ANKRD11: variants seen among roughly 807,000 people sequenced by gnomAD.
ANKRD11 encodes ankyrin repeat domain 11.
ANKRD11 carries 17 observed loss-of-function variants against 195.7 expected under a neutral mutation model. The ratio of observed to expected loss-of-function variants is 0.09; its 90% CI spans 0.06 to 0.13. ANKRD11 has a LOEUF of 0.13. Among genes scored for constraint, ANKRD11 ranks in the 10% least tolerant of loss-of-function variants. The probability of loss-of-function intolerance (pLI) is 1.00; values close to 1 mark genes in which losing one functional copy is unlikely to be tolerated. For missense variants in ANKRD11, 3,735 were observed against 3,566.1 expected (o/e 1.05, Z -1.21); for synonymous variants, 1,953 against 1,528.1 (o/e 1.28, Z -6.49).
intron 2 of ANKRD11, among the ~76,000 whole-genome samples, chr16:89,327,597 G>C (rs1008635705): frequency 6.6e-6 from 1 of 152,056 alleles, no homozygotes; most frequent in Non-Finnish European, 1.5e-5. Context: ...AAGAAATAAA[G>C]ACAGTACCAT....
At chr16:89,474,735 C>T (rs1407315762) in intron 1 of ANKRD11, among the ~76,000 whole-genome samples, 1 of 152,172 alleles carries the variant, frequency 6.6e-6, no homozygotes, top group Non-Finnish European at 1.5e-5. Context: ...TCAATTATTT[C>T]ATACTCAATC....
At chr16:89,337,399 G>A (rs2038419185) in intron 2 of ANKRD11, among the ~76,000 whole-genome samples, 1 of 130,660 alleles carries the variant, frequency 7.7e-6, no homozygotes, top group African/African-American at 2.9e-5. Flanking sequence ...TAACCCTACT[G>A]CACAATACAT....
intron 2 of ANKRD11, among the ~76,000 whole-genome samples, chr16:89,326,407 C>G (rs1480843548): frequency 1.3e-5 from 2 of 151,328 alleles, no homozygotes; most frequent in Non-Finnish European, 2.9e-5. Flanking sequence ...AGAAGGTGCA[C>G]ACCACTCAGC....
intron 3 of ANKRD11, among the ~76,000 whole-genome samples, chr16:89,309,112 C>T (rs1387987952): frequency 1.3e-5 from 2 of 152,178 alleles, no homozygotes; most frequent in African/African-American, 2.4e-5. Flanking sequence ...TGTGACGCCA[C>T]CACACGCCCA....
At position 89,286,124 on chromosome 16, in the gene ANKRD11, C is replaced by G. The variant is rs149525788; in HGVS notation, c.807G>C (p.Thr269=). 8 of 1,614,084 alleles carry G rather than the reference C, an allele frequency of 5.0e-6. No individual in the cohort carries two copies. The African/African-American group carries it at 1.1e-4, about 22-fold the overall frequency. Residue 269 remains threonine (T), a synonymous_variant, in exon 8 of 13, where the codon ACG becomes ACC. Transcript: ENST00000301030. ...TGGGGGAGTTGGCCACTTTCAGCGG[C>G]GTCTCGCCTTTCCTGTTGCTCTGCT... ...NPQQSNRKGE[T]PLKVANSPTM...
intron 1 of ANKRD11, among the ~76,000 whole-genome samples, chr16:89,426,634 A>T (rs2152256754): frequency 6.6e-6 from 1 of 152,256 alleles, no homozygotes; most frequent in African/African-American, 2.4e-5. Context: ...AGGCGCATAT[A>T]GATGACCAAT....
chr16:89,471,773 ACT>A (rs1363711151), intron 1 of ANKRD11, among the ~76,000 whole-genome samples: 28 of 119,774 alleles, frequency 2.3e-4, no homozygotes, highest in African/African-American at 9.7e-4. Flanking sequence ...CGACAGTGAG[ACT>A]CTGTCTCAAA....
chr16:89,425,805 C>T (rs1411701959), intron 1 of ANKRD11, among the ~76,000 whole-genome samples: 1 of 152,174 alleles, frequency 6.6e-6, no homozygotes, highest in Non-Finnish European at 1.5e-5. Context: ...AACTTCAGAA[C>T]TGAGGTGAGC....
chr16:89,270,695 C>G, intron 12 of ANKRD11, 122 bp downstream of exon 12: 3 of 940,998 alleles, frequency 3.2e-6, no homozygotes, highest in Non-Finnish European at 3.4e-6. Context: ...AAATTGTCAC[C>G]GCCCATCACA....
At chr16:89,392,598 G>C (rs930427891) in intron 2 of ANKRD11, 1 of 151,776 alleles carries the variant, frequency 6.6e-6, no homozygotes, top group African/African-American at 2.4e-5. Flanking sequence ...TGTTGAAGCA[G>C]ACCTGTCTTG....
rs187977191 is a variant in ANKRD11 at position 89,269,486 on chromosome 16, C to A, written c.7807-823G>T. On this transcript the variant is annotated intron_variant, in intron 12 of 12. Coordinates refer to ENST00000301030, the MANE Select transcript of ANKRD11 (RefSeq NM_013275.6). The stretch of plus-strand genomic sequence containing the variant: ...AGCTTTTACTCGGCAGCTCAGACAT[C>A]ACCAGTGTAAATTGTTACATGGAAT... Among the ~76,000 whole-genome samples the A allele has an allele frequency of 1.2e-3, 178 of 152,314 alleles. 1 individual carries two copies. Among genetic ancestry groups the A allele is most frequent in the African/African-American group, 4.1e-3 (171 of 41,570 alleles).
intron 2 of ANKRD11, among the ~76,000 whole-genome samples, chr16:89,327,679 A>G (rs936851836): frequency 8.4e-5 from 12 of 143,540 alleles, no homozygotes; most frequent in African/African-American, 2.9e-4. Context: ...TCTACATGCT[A>G]GCAATAATCA....
chr16:89,376,608 T>C (rs1021743838), intron 2 of ANKRD11, among the ~76,000 whole-genome samples: 4 of 152,198 alleles, frequency 2.6e-5, no homozygotes, highest in Admixed American at 6.5e-5. Flanking sequence ...CGGCTAATTT[T>C]TGTATTTTTA....
rs1213071793 is a variant in ANKRD11, at chr16:89,280,796, C to T, written c.5746G>A (p.Asp1916Asn). The T allele has an allele frequency of 8.7e-6, 14 of 1,609,902 alleles. No homozygotes were observed. Among genetic ancestry groups the T allele is most frequent in the Middle Eastern group, 1.6e-4 (1 of 6,064 alleles). Reference protein sequence around the residue: ...ALPPDLDTSEDQQATAAIIPP... With the variant: ...ALPPDLDTSENQQATAAIIPP... Reference sequence around the variant, plus strand: ...ATGATGGCGGCCGTCGCCTGCTGGTCCTCGGAGGTGTCCAGGTCCGGGGGA... The same window carrying T: ...ATGATGGCGGCCGTCGCCTGCTGGTTCTCGGAGGTGTCCAGGTCCGGGGGA... Residue 1916 changes from aspartate to asparagine, a missense_variant, in exon 9 of 13, where the codon GAC (aspartate) becomes AAC (asparagine). By Grantham distance (23) the Asp-to-Asn change is conservative. Transcript: ENST00000301030.
intron 1 of ANKRD11, among the ~76,000 whole-genome samples, chr16:89,469,984 C>T (rs1296119093): frequency 6.6e-6 from 1 of 150,954 alleles, no homozygotes; most frequent in African/African-American, 2.4e-5. Context: ...CGGCTCATTG[C>T]AACCTCCACT....
intron 3 of ANKRD11, among the ~76,000 whole-genome samples, chr16:89,310,154 G>C (rs2036530689): frequency 6.6e-6 from 1 of 152,216 alleles, no homozygotes; most frequent in Admixed American, 6.5e-5. Flanking sequence ...GTGCCATCCG[G>C]TCCTTCCAGT....
chr16:89,278,412 G>C (rs188062447), intron 9 of ANKRD11: 1 of 412,920 alleles, frequency 2.4e-6, no homozygotes, highest in Non-Finnish European at 4.9e-6. Context: ...GCCCCATTTG[G>C]AGGGATCTAT....
At chr16:89,391,024 C>G (rs2965828) in intron 2 of ANKRD11, among the ~76,000 whole-genome samples, 85,200 of 151,678 alleles carry the variant, frequency 0.56, 24,040 homozygotes, top group Middle Eastern at 0.72. Flanking sequence ...GTCAGGAGAT[C>G]GAGACCATCC....
At chr16:89,406,411 C>A (rs1388693480) in intron 2 of ANKRD11, among the ~76,000 whole-genome samples, 6 of 152,348 alleles carry the variant, frequency 3.9e-5, no homozygotes, top group African/African-American at 1.4e-4. Flanking sequence ...CGCTCTGAGA[C>A]TTGCGGTCAG....
Sources: allele counts gnomAD v4.1 joint callset (sites outside exome capture counted in the v4.1 genomes callset), GRCh38; gene constraint gnomAD v4.1.1; transcripts MANE v1.5; gene names NCBI Gene and HGNC (gene_info 2026-07-23, HGNC 2026-07-21).